The following SLC6A3 variants were observed in gnomAD, a reference collection of about 807,000 sequenced individuals.
SLC6A3 encodes solute carrier family 6 member 3, also known as sodium-dependent dopamine transporter.
Under a neutral mutation model 70.4 loss-of-function variants are expected in SLC6A3, and 19 were observed. The ratio of observed to expected loss-of-function variants is 0.27; its 90% CI spans 0.19 to 0.40. The LOEUF (loss-of-function observed/expected upper bound fraction) is 0.40. Ranked by LOEUF, SLC6A3 falls within the 10% of genes least tolerant of loss-of-function variation. The pLI is 1.00. For synonymous variants in SLC6A3, 368 were observed against 356.6 expected (o/e 1.03, Z -0.36); for missense variants, 613 against 838.5 (o/e 0.73, Z 3.32).
chr5:1,403,168 A>G (rs1755892459), intron 12 of SLC6A3, 79 bp from the exon 13 acceptor site: 1 of 1,501,016 alleles, frequency 6.7e-7, no homozygotes, highest in Non-Finnish European at 9.1e-7. Flanking sequence ...CAGGCACTTC[A>G]TGGCAGAGCG....
chr5:1,414,912 G>T (rs1056079358), intron 7 of SLC6A3, 97 bp from the exon 8 acceptor site: 21 of 1,527,568 alleles, frequency 1.4e-5, no homozygotes, highest in Non-Finnish European at 1.8e-5. Context: ...TGGGGAAGGG[G>T]GCGGGAGGTC....
chr5:1,432,557 G>C lies in SLC6A3; in HGVS notation c.560C>G (p.Pro187Arg). 6.2e-7 allele frequency: 1 copy of C among 1,614,228 alleles called. No individual in the cohort carries two copies. Among genetic ancestry groups the C allele is most frequent in the Middle Eastern group, 1.6e-4 (1 of 6,062 alleles). Residue 187 changes from proline (P) to arginine (R), a missense_variant, in exon 4 of 15, where the codon CCC (proline) becomes CGC (arginine). Pro to Arg is a moderately radical substitution (Grantham distance 103). Around this residue, in one of 4 missense-constraint regions of SLC6A3, gnomAD observed 153 missense variants for 249.4 expected, o/e 0.61. Coordinates refer to ENST00000270349, the MANE Select transcript of SLC6A3 (RefSeq NM_001044.5). ...WIHCNNSWNSPNCSDAHPGDS... is the reference protein window; with the variant it reads ...WIHCNNSWNSRNCSDAHPGDS... ...ACCAGGATGGGCATCCGAGCAGTTG[G>C]GGCTGTTCCAGGAGTTGTTGCAGTG...
intron 1 of SLC6A3, among the ~76,000 whole-genome samples, chr5:1,444,882 A>G (rs1733760997): frequency 6.6e-6 from 1 of 152,058 alleles, no homozygotes; most frequent in South Asian, 2.1e-4. Context: ...CCCTGCCCAG[A>G]GCACCAGCGC....
At chr5:1,432,349 A>G in intron 4 of SLC6A3, 115 bp downstream of exon 4, 1 of 763,906 alleles carries the variant, frequency 1.3e-6, no homozygotes, top group South Asian at 1.5e-5. Context: ...GCAGGAACAG[A>G]TTCCCCCTCC....
At chr5:1,432,827 G>T in intron 3 of SLC6A3, 129 bp from the exon 4 acceptor site, 1 of 710,968 alleles carries the variant, frequency 1.4e-6, no homozygotes, top group Non-Finnish European at 2.5e-6. Flanking sequence ...CAGCCCTGAT[G>T]CCAGACAGCA....
At chr5:1,403,248 C>T (rs925269622) in intron 12 of SLC6A3, among the ~76,000 whole-genome samples, 159 bp from the exon 13 acceptor site, 12 of 152,030 alleles carry the variant, frequency 7.9e-5, no homozygotes, top group Admixed American at 2.6e-4. Flanking sequence ...CTGGGCATCC[C>T]GGGCAAGCCA....
Position 1,432,624 on chromosome 5 carries a change from G to A in SLC6A3, c.493C>T (p.His165Tyr). 3 of 1,614,190 alleles carry A rather than the reference G, an allele frequency of 1.9e-6. No homozygotes were observed. The highest frequency in any genetic ancestry group is 2.5e-6 in the Non-Finnish European group (3 of 1,180,012). ...FYNVIIAWALHYLFSSFTTEL... is the reference protein window; with the variant it reads ...FYNVIIAWALYYLFSSFTTEL... ...GTGGTGAAGGAGGAGAAGAGATAGT[G>A]CAGCGCCCAGGCGATGATGACGTTG... Residue 165 changes from histidine (H) to tyrosine (Y), a missense_variant, in exon 4 of 15, where the codon CAC becomes TAC. Coordinates refer to ENST00000270349, the MANE Select transcript of SLC6A3 (RefSeq NM_001044.5).
chr5:1,393,448 A>C lies in SLC6A3; in HGVS notation c.*1287T>G, dbSNP rs1402241411. Reference sequence around the variant, plus strand: ...TGATTCACAGGTAAATATGATTTTAAAAAGCCATTCGCAAACATAAAAACT... The same window carrying C: ...TGATTCACAGGTAAATATGATTTTACAAAGCCATTCGCAAACATAAAAACT... On this transcript the variant is annotated 3_prime_UTR_variant, in exon 15 of 15. Coordinates refer to ENST00000270349, the MANE Select transcript of SLC6A3 (RefSeq NM_001044.5). 1 of 153,062 alleles carries C rather than the reference A, an allele frequency of 6.5e-6. No homozygotes were observed. Among genetic ancestry groups the C allele is most frequent in the Non-Finnish European group, 1.5e-5 (1 of 68,224 alleles). The allele number at this position is 153,062 out of a possible 1,614,324, so 9.5% of individuals were successfully genotyped here.
intron 9 of SLC6A3, 36 bp from the exon 10 acceptor site, chr5:1,409,885 C>T (rs370492458): frequency 4.7e-5 from 75 of 1,611,480 alleles, no homozygotes; most frequent in African/African-American, 2.0e-4. Flanking sequence ...TGCAGGCTGG[C>T]GGCGCTCCTG....
chr5:1,409,101 G>A lies in SLC6A3; in HGVS notation c.1423C>T (p.Leu475=). The part of the protein sequence containing the change: ...TNGGIYVFTL[L]DHFAAGTSIL... ...GACGTGCCGGCTGCAAAATGGTCCA[G>A]GAGCGTGAAGACGTAGATGCCACCC... is the stretch of plus-strand genomic sequence containing the variant. The change falls in exon 11 of 15, where the codon CTG becomes TTG. Residue 475 remains leucine, a synonymous_variant. Transcript: ENST00000270349. 6.2e-7 allele frequency: 1 copy of A among 1,612,360 alleles called. No individual in the cohort carries two copies. The highest frequency in any genetic ancestry group is 8.5e-7 in the Non-Finnish European group (1 of 1,179,490).
At chr5:1,395,706 G>A (rs1479648875) in intron 14 of SLC6A3, among the ~76,000 whole-genome samples, 2 of 152,204 alleles carry the variant, frequency 1.3e-5, no homozygotes, top group African/African-American at 2.4e-5. Context: ...GTGGCCCAGC[G>A]GCCAGAGCCC....
chr5:1,409,863 A>G lies in SLC6A3; in HGVS notation c.1270-14T>C, dbSNP rs750010591. ...CATACCACCCATCTGCACACAGAGC[A>G]CAGGGTCGGGCTGCAGGCTGGCGGC... On this transcript the variant is annotated splice_polypyrimidine_tract_variant and intron_variant, in intron 9 of 14. Coordinates refer to ENST00000270349, the MANE Select transcript of SLC6A3 (RefSeq NM_001044.5). 1 of 1,612,886 alleles carries G rather than the reference A, an allele frequency of 6.2e-7. No individual in the cohort carries two copies. The highest frequency in any genetic ancestry group is 1.3e-5 in the African/African-American group (1 of 74,944).
At chr5:1,422,952 G>A (rs1229025326) in intron 4 of SLC6A3, among the ~76,000 whole-genome samples, 5 of 97,688 alleles carry the variant, frequency 5.1e-5, no homozygotes, top group East Asian at 3.5e-4. Context: ...CCACGCTGCT[G>A]GGTGCCCACC....
At chr5:1,415,996 G>C (rs1363287057) in intron 7 of SLC6A3, 102 bp downstream of exon 7, 14 of 902,684 alleles carry the variant, frequency 1.6e-5, no homozygotes, top group Admixed American at 3.8e-5. Context: ...TGCGGGTTCA[G>C]TGGATCCGCC....
chr5:1,404,954 A>G lies in SLC6A3; in HGVS notation c.1599+1234T>C, dbSNP rs1200957518. The stretch of plus-strand genomic sequence containing the variant: ...GGAGACACCCCCTCAAGGGGAGCCA[A>G]CGTCCTCATGCAAAACAGCTCAGTT... On this transcript the variant is annotated intron_variant, in intron 12 of 14. Coordinates refer to ENST00000270349, the MANE Select transcript of SLC6A3 (RefSeq NM_001044.5). The surrounding 1 kb of genome is among the most constrained non-coding windows in gnomAD (Gnocchi z 5.2). 2.0e-5 allele frequency among the ~76,000 whole-genome samples: 3 copies of G among 152,240 alleles called. No homozygotes were observed. The highest frequency in any genetic ancestry group is 1.9e-4 in the East Asian group (1 of 5,192).
chr5:1,414,958 G>T (rs1033465020), intron 7 of SLC6A3, 143 bp from the exon 8 acceptor site: 2 of 1,033,202 alleles, frequency 1.9e-6, no homozygotes, highest in East Asian at 5.1e-5. Context: ...AGCACGGCCA[G>T]CTCCTTAGCA....
At chr5:1,426,384 T>A (rs559010093) in intron 4 of SLC6A3, among the ~76,000 whole-genome samples, 2 of 152,028 alleles carry the variant, frequency 1.3e-5, no homozygotes, top group East Asian at 1.9e-4. Flanking sequence ...CAAAAAATTT[T>A]AAAAAATTAG....
chr5:1,414,650 T>C (rs1207637218), intron 8 of SLC6A3, 41 bp downstream of exon 8: 4 of 1,608,554 alleles, frequency 2.5e-6, no homozygotes, highest in East Asian at 2.2e-5. Context: ...TCGGCGCTGG[T>C]GCTACACGGA....
chr5:1,444,076 A>G (rs1229048433), intron 1 of SLC6A3, among the ~76,000 whole-genome samples: 2 of 152,152 alleles, frequency 1.3e-5, no homozygotes, highest in Non-Finnish European at 2.9e-5. Context: ...TTTAGACATA[A>G]CCATCACAAC....
Sources: allele counts gnomAD v4.1 joint callset (sites outside exome capture counted in the v4.1 genomes callset), GRCh38; gene constraint gnomAD v4.1.1; regional missense constraint gnomAD v4.1.1; non-coding constraint Gnocchi (gnomAD v3.1); transcripts MANE v1.5; gene names NCBI Gene and HGNC (gene_info 2026-07-23, HGNC 2026-07-21).